The following SGCD variants were observed in gnomAD, a reference collection of about 807,000 sequenced individuals.
SGCD encodes delta-sarcoglycan.
SGCD carries 18 observed loss-of-function variants against 36.6 expected under a neutral mutation model. The ratio of observed to expected loss-of-function variants is 0.49; its 90% CI spans 0.34 to 0.73. The LOEUF (loss-of-function observed/expected upper bound fraction) is 0.73. Among genes scored for constraint, SGCD ranks in the 30% least tolerant of loss-of-function variants. The pLI, the probability that SGCD is intolerant of heterozygous loss-of-function variation, is 0.01. For synonymous variants in SGCD, 133 were observed against 130.6 expected (o/e 1.02, Z -0.12); for missense variants, 387 against 346.7 (o/e 1.12, Z -0.92).
At position 156,057,335 on chromosome 5, in the gene SGCD, G is replaced by A. The variant is rs145362617; in HGVS notation, c.-281-60543G>A. On this transcript the variant is annotated intron_variant, in intron 1 of 9. Coordinates refer to the SGCD transcript ENST00000517913. ...CAGTATTTATAATAGCAAAAGACTG[G>A]CAACAACCTAAAAGTCTATCATCAG... 4.4e-3 allele frequency among the ~76,000 whole-genome samples: 647 copies of A among 146,370 alleles called. 79 individuals are homozygous for A. Among genetic ancestry groups the A allele is most frequent in the Middle Eastern group, 0.022 (6 of 272 alleles).
intron 1 of SGCD, among the ~76,000 whole-genome samples, chr5:156,328,676 G>A (rs1370017306): frequency 6.6e-6 from 1 of 152,036 alleles, no homozygotes; most frequent in Non-Finnish European, 1.5e-5. Flanking sequence ...ACTTGGAGGA[G>A]GGACCTGGGA....
chr5:156,017,244 A>T lies in SGCD; in HGVS notation c.-281-100634A>T, dbSNP rs147081598. Among the ~76,000 whole-genome samples, 40 of 152,206 alleles carry T rather than the reference A, an allele frequency of 2.6e-4. 1 individual carries two copies. The East Asian group carries it at 7.7e-3, about 29-fold the overall frequency. ...TACAAAAATGTTGCTTATATATTTG[A>T]GATGACGCTGCAAATATCTTCTTCT... is the stretch of plus-strand genomic sequence containing the variant. On this transcript the variant is annotated intron_variant, in intron 1 of 9. Coordinates refer to the SGCD transcript ENST00000517913.
At chr5:156,404,725 T>A (rs989746940) in intron 3 of SGCD, among the ~76,000 whole-genome samples, 1 of 152,208 alleles carries the variant, frequency 6.6e-6, no homozygotes, top group Non-Finnish European at 1.5e-5. Context: ...CTGTAACAAC[T>A]GAGATAAATT....
intron 3 of SGCD, among the ~76,000 whole-genome samples, chr5:156,257,197 A>G (rs1433904762): frequency 7.1e-6 from 1 of 140,106 alleles, no homozygotes; most frequent in African/African-American, 2.6e-5. Flanking sequence ...ATAAAAGGCC[A>G]GGCGCAGTGG....
chr5:156,290,793 A>C (rs1439519714), intron 3 of SGCD, among the ~76,000 whole-genome samples: 1 of 152,162 alleles, frequency 6.6e-6, no homozygotes, highest in Non-Finnish European at 1.5e-5. Context: ...AAAATGGAAA[A>C]GAATTTAAGT....
chr5:155,731,175 A>C, the SGCD span, among the ~76,000 whole-genome samples: 1 of 152,126 alleles, frequency 6.6e-6, no homozygotes, highest in Non-Finnish European at 1.5e-5. Flanking sequence ...GCAGAGACAC[A>C]CAGAGATAGA....
rs565473593 is a variant in SGCD at position 155,912,576 on chromosome 5, A to C, written c.-282+42152A>C. Among the ~76,000 whole-genome samples the C allele has an allele frequency of 1.2e-4, 19 of 152,118 alleles. No homozygotes were observed. The East Asian group carries it at 1.9e-3, about 16-fold the overall frequency. On this transcript the variant is annotated intron_variant, in intron 1 of 9. Coordinates refer to the SGCD transcript ENST00000517913. ...TAAGTCATTTTGTTCTAATTCATATATTTTTTGTGTGTGTGGCTGTATTTT... is the reference window on the plus strand; with the variant it reads ...TAAGTCATTTTGTTCTAATTCATATCTTTTTTGTGTGTGTGGCTGTATTTT...
the SGCD span, among the ~76,000 whole-genome samples, chr5:155,809,615 C>T: frequency 2.2e-4 from 34 of 151,760 alleles, no homozygotes; most frequent in African/African-American, 8.2e-4. Context: ...TGAGTAGGAA[C>T]AGGGAAGTGA....
At chr5:156,243,341 G>T (rs1339665222) in intron 3 of SGCD, among the ~76,000 whole-genome samples, 1 of 152,224 alleles carries the variant, frequency 6.6e-6, no homozygotes, top group East Asian at 1.9e-4. Flanking sequence ...GAGGTCATTT[G>T]CCTGGGGAGA....
intron 1 of SGCD, among the ~76,000 whole-genome samples, chr5:155,907,635 G>T (rs990604619): frequency 2.6e-5 from 4 of 152,100 alleles, no homozygotes; most frequent in African/African-American, 9.7e-5. Flanking sequence ...AATGAAAAAT[G>T]TAGCCAGAAG....
At chr5:156,675,112 G>T (rs965827695) in intron 7 of SGCD, among the ~76,000 whole-genome samples, 1 of 152,152 alleles carries the variant, frequency 6.6e-6, no homozygotes, top group African/African-American at 2.4e-5. Context: ...CTGGACACCA[G>T]ATCCTGCCTT....
intron 3 of SGCD, among the ~76,000 whole-genome samples, chr5:156,175,339 A>ATGAAT (rs1763439761): frequency 6.6e-6 from 1 of 152,172 alleles, no homozygotes; most frequent in East Asian, 1.9e-4. Flanking sequence ...ATAGTAAAAT[A>ATGAAT]TGAATTGATG....
At chr5:156,580,242 C>A (rs1022080910) in intron 4 of SGCD, among the ~76,000 whole-genome samples, 2 of 152,200 alleles carry the variant, frequency 1.3e-5, no homozygotes, top group African/African-American at 2.4e-5. Flanking sequence ...AATATTGTCC[C>A]CCACTCTCTA....
chr5:155,844,131 G>T, the SGCD span, among the ~76,000 whole-genome samples: 1 of 151,504 alleles, frequency 6.6e-6, no homozygotes, highest in Non-Finnish European at 1.5e-5. Flanking sequence ...AAAACAATCA[G>T]CTTGTGAAGG....
chr5:155,876,183 A>G (rs926579672), intron 1 of SGCD, among the ~76,000 whole-genome samples: 8 of 140,816 alleles, frequency 5.7e-5, no homozygotes, highest in African/African-American at 7.9e-5. Context: ...ATATCTCCCA[A>G]TGCTATCCCT....
At chr5:156,565,917 T>A (rs751466958) in intron 4 of SGCD, among the ~76,000 whole-genome samples, 20 of 152,244 alleles carry the variant, frequency 1.3e-4, no homozygotes, top group Non-Finnish European at 2.2e-4. Context: ...TAGTGTATTA[T>A]GTGCCACATT....
At chr5:155,852,873 GA>G in the SGCD span, among the ~76,000 whole-genome samples, 1 of 152,044 alleles carries the variant, frequency 6.6e-6, no homozygotes, top group Non-Finnish European at 1.5e-5. Flanking sequence ...TCAAGTAATA[GA>G]GAAAAAGTGC....
At chr5:156,303,225 A>G (rs1366731617) in intron 3 of SGCD, among the ~76,000 whole-genome samples, 6 of 152,076 alleles carry the variant, frequency 3.9e-5, no homozygotes. Context: ...TCCCTTTTCC[A>G]TAAGCAGAGG....
At chr5:156,487,572 G>A (rs1157049887) in intron 3 of SGCD, among the ~76,000 whole-genome samples, 7 of 151,646 alleles carry the variant, frequency 4.6e-5, no homozygotes, top group Admixed American at 6.6e-5. Context: ...GGTGGATCAC[G>A]AGGTCAGAAG....
Sources: gnomAD v4.1 joint callset for allele counts (sites outside exome capture counted in the v4.1 genomes callset) on GRCh38, gnomAD v4.1.1 for gene constraint, MANE v1.5 for transcripts, NCBI Gene and HGNC (gene_info 2026-07-23, HGNC 2026-07-21) for gene names.